Variants in KIAA1328 observed in about 807,000 individuals in gnomAD.
The protein encoded by KIAA1328 is protein hinderin.
In KIAA1328, 52 loss-of-function variants were observed where a neutral mutation model predicts 68.1. That is an observed-to-expected ratio of 0.76 (90% CI 0.61 to 0.96). The LOEUF (loss-of-function observed/expected upper bound fraction) is 0.96. KIAA1328 is among the 40% of genes least tolerant of loss of function. The pLI, the probability that KIAA1328 is intolerant of heterozygous loss-of-function variation, is 0.00. For missense variants in KIAA1328, 641 were observed against 677.6 expected (o/e 0.95, Z 0.60); for synonymous variants, 232 against 239.4 (o/e 0.97, Z 0.28).
Position 36,929,578 on chromosome 18 carries a change from T to G in KIAA1328, c.449-29730T>G, listed in dbSNP as rs1012066691. ...GTAGGTGTTATGCACTGAATATTAGTGTCCCCCTAAATTTCATATTTTGGA... is the reference window on the plus strand; with the variant it reads ...GTAGGTGTTATGCACTGAATATTAGGGTCCCCCTAAATTTCATATTTTGGA... On this transcript the variant is annotated intron_variant, in intron 5 of 9. Coordinates refer to ENST00000280020, the MANE Select transcript of KIAA1328 (RefSeq NM_020776.3). Among the ~76,000 whole-genome samples the G allele has an allele frequency of 4.6e-5, 7 of 152,196 alleles. No individual in the cohort carries two copies. In the South Asian group the frequency reaches 1.0e-3, roughly 23 times the overall value.
chr18:37,032,211 T>G (rs1350200849), intron 6 of KIAA1328, among the ~76,000 whole-genome samples: 1 of 152,098 alleles, frequency 6.6e-6, no homozygotes. Flanking sequence ...AAGTAATATT[T>G]ACCAGATCAT....
chr18:37,042,698 G>A (rs1359317378), intron 6 of KIAA1328, among the ~76,000 whole-genome samples: 1 of 152,058 alleles, frequency 6.6e-6, no homozygotes, highest in Non-Finnish European at 1.5e-5. Flanking sequence ...AGTTTGACCA[G>A]GACTTATCTA....
chr18:36,834,909 C>G (rs992106778), intron 2 of KIAA1328, among the ~76,000 whole-genome samples: 1 of 152,082 alleles, frequency 6.6e-6, no homozygotes, highest in Non-Finnish European at 1.5e-5. Context: ...TTGCTTGATC[C>G]TGTAGTTCCA....
intron 6 of KIAA1328, among the ~76,000 whole-genome samples, chr18:37,023,995 T>C (rs2054455093): frequency 6.6e-6 from 1 of 152,094 alleles, no homozygotes; most frequent in African/African-American, 2.4e-5. Context: ...CTTTCTATTA[T>C]TCCCTTCTTT....
At chr18:36,879,946 TG>T (rs2150962855) in intron 4 of KIAA1328, among the ~76,000 whole-genome samples, 1 of 152,266 alleles carries the variant, frequency 6.6e-6, no homozygotes, top group South Asian at 2.1e-4. Flanking sequence ...TTCAAGCCGG[TG>T]GATCTTAGCT....
intron 7 of KIAA1328, among the ~76,000 whole-genome samples, chr18:37,123,391 A>G (rs2058317850): frequency 6.6e-6 from 1 of 152,178 alleles, no homozygotes; most frequent in Admixed American, 6.5e-5. Context: ...GAAAAAAAAG[A>G]GAAGCTTGAT....
intron 5 of KIAA1328, among the ~76,000 whole-genome samples, chr18:36,927,809 G>A (rs1487803839): frequency 6.6e-6 from 1 of 151,166 alleles, no homozygotes; most frequent in Non-Finnish European, 1.5e-5. Context: ...GGAAGAGAGA[G>A]AGAGGAAAGA....
chr18:37,053,846 A>T (rs1484024304), intron 6 of KIAA1328, among the ~76,000 whole-genome samples: 1 of 152,116 alleles, frequency 6.6e-6, no homozygotes, highest in African/African-American at 2.4e-5. Flanking sequence ...ATTCAAGATG[A>T]GATTTGGTTG....
At chr18:37,162,884 T>TA (rs34141985) in intron 8 of KIAA1328, among the ~76,000 whole-genome samples, 3,424 of 137,568 alleles carry the variant, frequency 0.025, 90 homozygotes, top group African/African-American at 0.074. Context: ...CTAAACATGT[T>TA]AAAAAAAAAA....
intron 1 of KIAA1328, among the ~76,000 whole-genome samples, chr18:36,830,931 G>A (rs1462840394): frequency 6.6e-6 from 1 of 152,120 alleles, no homozygotes; most frequent in Non-Finnish European, 1.5e-5. Flanking sequence ...AGTTAACATC[G>A]AGCCTCAGAT....
intron 7 of KIAA1328, among the ~76,000 whole-genome samples, chr18:37,068,242 T>G (rs1324963844): frequency 6.6e-6 from 1 of 152,158 alleles, no homozygotes; most frequent in Admixed American, 6.5e-5. Flanking sequence ...TGAGATTAGC[T>G]GTCATCATTC....
intron 6 of KIAA1328, among the ~76,000 whole-genome samples, chr18:37,017,398 T>C (rs1399887332): frequency 6.6e-6 from 1 of 152,130 alleles, no homozygotes; most frequent in Non-Finnish European, 1.5e-5. Context: ...GTCAATCTTT[T>C]AGTATGTTCT....
intron 7 of KIAA1328, among the ~76,000 whole-genome samples, chr18:37,089,246 T>C (rs1289026588): frequency 6.6e-6 from 1 of 152,140 alleles, no homozygotes; most frequent in Non-Finnish European, 1.5e-5. Context: ...TTGTGACTTA[T>C]CTCAAATAGT....
chr18:37,069,159 C>A (rs541704596), intron 7 of KIAA1328, among the ~76,000 whole-genome samples: 1 of 151,974 alleles, frequency 6.6e-6, no homozygotes, highest in Non-Finnish European at 1.5e-5. Context: ...ATTAAACCAG[C>A]CTTGCATCCC....
At chr18:36,953,399 TAGATAGATAGATAGATAGATAG>T (rs1182646703) in intron 5 of KIAA1328, among the ~76,000 whole-genome samples, 1 of 141,756 alleles carries the variant, frequency 7.1e-6, no homozygotes, top group South Asian at 2.1e-4. Context: ...GATAGATAGA[TAGATAGATAGATAGATAGATAG>T]AGATAGATAG....
At chr18:37,203,925 T>C (rs1054355030) in intron 9 of KIAA1328, among the ~76,000 whole-genome samples, 1 of 152,016 alleles carries the variant, frequency 6.6e-6, no homozygotes, top group Non-Finnish European at 1.5e-5. Context: ...TTCTCCTGCC[T>C]CAGCCTCCCC....
intron 7 of KIAA1328, among the ~76,000 whole-genome samples, chr18:37,114,963 GGAA>G (rs1363892837): frequency 6.6e-6 from 1 of 152,104 alleles, no homozygotes; most frequent in Non-Finnish European, 1.5e-5. Flanking sequence ...GACTAAACAA[GGAA>G]GAAGTTGAAT....
intron 5 of KIAA1328, among the ~76,000 whole-genome samples, chr18:36,929,783 C>G (rs1392907608): frequency 6.6e-6 from 1 of 152,048 alleles, no homozygotes; most frequent in Non-Finnish European, 1.5e-5. Flanking sequence ...AGGCTCCTCA[C>G]CAGAACCCAA....
rs757331417 is a variant in KIAA1328, at chr18:36,959,405, A to G, written c.546A>G (p.Glu182=). 1.2e-6 allele frequency: 2 copies of G among 1,610,042 alleles called. No homozygotes were observed. Among genetic ancestry groups the G allele is most frequent in the Non-Finnish European group, 1.7e-6 (2 of 1,178,422 alleles). The change falls in exon 6 of 10, where the codon GAA becomes GAG. Residue 182 remains glutamate, a synonymous_variant. Transcript: ENST00000280020. ...AGAAGCTCACCATGTCTCTCTCAGA[A>G]CTTGGTGCTGCTAGAATGCAGGAAC... The part of the protein sequence containing the change: ...QQEKLTMSLS[E]LGAARMQEQQ...
Sources: gnomAD v4.1 joint callset for allele counts (sites outside exome capture counted in the v4.1 genomes callset) on GRCh38, gnomAD v4.1.1 for gene constraint, MANE v1.5 for transcripts, NCBI Gene and HGNC (gene_info 2026-07-23, HGNC 2026-07-21) for gene names.